The following ASPH variants were observed in gnomAD, a reference collection of about 807,000 sequenced individuals.
ASPH encodes aspartyl/asparaginyl beta-hydroxylase.
ASPH carries 100 observed loss-of-function variants against 118.4 expected under a neutral mutation model. That is an observed-to-expected ratio of 0.84 (90% CI 0.72 to 1.00). The LOEUF (loss-of-function observed/expected upper bound fraction) is 1.00, where lower values mean the gene tolerates loss of function less well. Ranked by LOEUF, ASPH falls within the 50% of genes least tolerant of loss-of-function variation. ASPH has a pLI of 0.00. For missense variants in ASPH, 920 were observed against 919.5 expected, an observed-to-expected ratio of 1.00 and a Z score of -0.01; for synonymous variants, 315 against 325.6, an observed-to-expected ratio of 0.97 and a Z score of 0.35.
chr8:61,674,184 C>T (rs75083828), intron 3 of ASPH, among the ~76,000 whole-genome samples: 8 of 152,210 alleles, frequency 5.3e-5, no homozygotes, highest in East Asian at 1.9e-4. Flanking sequence ...AAGTATATCC[C>T]GGAAATTAGG....
chr8:61,616,368 C>A (rs1013704964), intron 14 of ASPH, among the ~76,000 whole-genome samples: 1 of 152,164 alleles, frequency 6.6e-6, no homozygotes, highest in Non-Finnish European at 1.5e-5. Flanking sequence ...ATTGCAACTG[C>A]CCTGTGAGCA....
At chr8:61,529,721 T>C (rs915216329) in intron 21 of ASPH, among the ~76,000 whole-genome samples, 12 of 152,200 alleles carry the variant, frequency 7.9e-5, no homozygotes, top group African/African-American at 2.9e-4. Context: ...AGATATTTAT[T>C]TCCCACAGTT....
chr8:61,507,986 C>T (rs540170124), intron 24 of ASPH, among the ~76,000 whole-genome samples: 3 of 152,140 alleles, frequency 2.0e-5, no homozygotes, highest in Non-Finnish European at 4.4e-5. Context: ...TTCCTCCTTC[C>T]CTTCCTCTCT....
Position 61,668,532 on chromosome 8 carries a change from T to C in ASPH, c.322+12436A>G, listed in dbSNP as rs181592686. On this transcript the variant is annotated intron_variant, in intron 3 of 24. Transcript: ENST00000379454. ...ACAATTTGGCTTAGATCTTTAAGAA[T>C]TGTTGGCATTAGAAATACTTAATTG... 2.6e-4 allele frequency among the ~76,000 whole-genome samples: 40 copies of C among 152,308 alleles called. No individual in the cohort carries two copies. In the East Asian group the frequency reaches 6.0e-3, roughly 23 times the overall value.
chr8:61,647,926 G>C (rs1808872397), intron 5 of ASPH, among the ~76,000 whole-genome samples: 1 of 152,174 alleles, frequency 6.6e-6, no homozygotes, highest in African/African-American at 2.4e-5. Flanking sequence ...GCATCCCAAT[G>C]TAACTTGACC....
At chr8:61,676,958 T>C (rs1202818839) in intron 3 of ASPH, among the ~76,000 whole-genome samples, 1 of 152,170 alleles carries the variant, frequency 6.6e-6, no homozygotes, top group Non-Finnish European at 1.5e-5. Context: ...TTTTAACACT[T>C]AAATTTTAAC....
chr8:61,706,865 G>A (rs1836829488), intron 1 of ASPH, among the ~76,000 whole-genome samples: 1 of 152,080 alleles, frequency 6.6e-6, no homozygotes, highest in Non-Finnish European at 1.5e-5. Context: ...TGCAGACTAC[G>A]GTAAAAAGAT....
chr8:61,626,289 A>G (rs1219413894), intron 13 of ASPH: 1 of 1,563,546 alleles, frequency 6.4e-7, no homozygotes, highest in Admixed American at 2.0e-5. Context: ...ATCTGCAAAA[A>G]TAAGGGGAAA....
At position 61,576,818 on chromosome 8, in the gene ASPH, A is replaced by G; in HGVS notation, c.1103T>C (p.Val368Ala). ...TCGTGGACTCTGAGGGTATTTGCGTACTAGTTCTTTAAATGCATTCACTGC... is the reference window on the plus strand; with the variant it reads ...TCGTGGACTCTGAGGGTATTTGCGTGCTAGTTCTTTAAATGCATTCACTGC... The part of the protein sequence containing the change: ...EEAVNAFKEL[V>A]RKYPQSPRAR... The change falls in exon 16 of 25, where the codon GTA becomes GCA. Residue 368 changes from valine (V) to alanine (A), a missense_variant. Coordinates refer to ENST00000379454, the MANE Select transcript of ASPH (RefSeq NM_004318.4). 1.2e-6 allele frequency: 2 copies of G among 1,609,528 alleles called. No individual in the cohort carries two copies. Among genetic ancestry groups the G allele is most frequent in the Non-Finnish European group, 1.7e-6 (2 of 1,177,320 alleles).
At chr8:61,561,985 T>C (rs975511401) in intron 18 of ASPH, among the ~76,000 whole-genome samples, 1 of 152,152 alleles carries the variant, frequency 6.6e-6, no homozygotes, top group African/African-American at 2.4e-5. Flanking sequence ...CACTGAGTGG[T>C]AGCATATTGA....
chr8:61,539,245 T>A (rs1820783470), intron 21 of ASPH, among the ~76,000 whole-genome samples: 1 of 151,988 alleles, frequency 6.6e-6, no homozygotes, highest in Non-Finnish European at 1.5e-5. Context: ...CATCTCAAAA[T>A]ATATATATAT....
rs542562240 is a variant in ASPH at position 61,691,168 on chromosome 8, A to G, written c.104-6980T>C. On this transcript the variant is annotated intron_variant, in intron 1 of 24. Coordinates refer to ENST00000379454, the MANE Select transcript of ASPH (RefSeq NM_004318.4). Reference sequence around the variant, plus strand: ...ATCAAAAGCAAACAATATACTCTTGATATGTCACTTTGTAAATATGGTGTG... The same window carrying G: ...ATCAAAAGCAAACAATATACTCTTGGTATGTCACTTTGTAAATATGGTGTG... 4.6e-5 allele frequency among the ~76,000 whole-genome samples: 7 copies of G among 152,284 alleles called. No individual in the cohort carries two copies. In the South Asian group the frequency reaches 1.5e-3, roughly 32 times the overall value.
At position 61,650,040 on chromosome 8, in the gene ASPH, C is replaced by T. The variant is rs1392276085; in HGVS notation, c.490+1010G>A. ...AGGTCTACACCAGCCTCTTCTGACC[C>T]CCCTTCTGAGTAAGACCTGAAGAGC... On this transcript the variant is annotated intron_variant, in intron 5 of 24. Coordinates refer to ENST00000379454, the MANE Select transcript of ASPH (RefSeq NM_004318.4). 3.3e-5 allele frequency among the ~76,000 whole-genome samples: 5 copies of T among 152,252 alleles called. No individual in the cohort carries two copies. In the South Asian group the frequency reaches 1.0e-3, roughly 32 times the overall value.
At chr8:61,584,098 T>C (rs879910956) in intron 14 of ASPH, 69 bp from the exon 15 acceptor site, 30 of 1,017,746 alleles carry the variant, frequency 2.9e-5, no homozygotes, top group Non-Finnish European at 4.1e-5. Context: ...CATAACAATT[T>C]ACAAGTAGTG....
At chr8:61,566,335 G>A (rs1233119693) in intron 17 of ASPH, among the ~76,000 whole-genome samples, 4 of 152,224 alleles carry the variant, frequency 2.6e-5, no homozygotes, top group Non-Finnish European at 5.9e-5. Flanking sequence ...TCCTAAAGAT[G>A]TGACTGATTT....
chr8:61,669,173 T>C (rs1475303595), intron 3 of ASPH, among the ~76,000 whole-genome samples: 5 of 152,198 alleles, frequency 3.3e-5, no homozygotes, highest in African/African-American at 1.2e-4. Flanking sequence ...CCATCTGACA[T>C]TTTTGCAGCT....
intron 4 of ASPH, among the ~76,000 whole-genome samples, chr8:61,652,515 G>C (rs1384410083): frequency 1.3e-5 from 2 of 151,454 alleles, no homozygotes; most frequent in South Asian, 2.1e-4. Flanking sequence ...GCAGAAGCTG[G>C]AGTGTAATGG....
At chr8:61,517,807 G>T in intron 23 of ASPH, 146 bp from the exon 24 acceptor site, 1 of 1,259,370 alleles carries the variant, frequency 7.9e-7, no homozygotes. Context: ...ATTTCTTTGT[G>T]AAGGAACTAA....
intron 1 of ASPH, among the ~76,000 whole-genome samples, chr8:61,704,548 TA>T (rs1197053223): frequency 6.6e-6 from 1 of 151,342 alleles, no homozygotes; most frequent in African/African-American, 2.4e-5. Context: ...AATAAAAAAA[TA>T]AAAAGGTAAG....
Sources: allele counts gnomAD v4.1 joint callset (sites outside exome capture counted in the v4.1 genomes callset), GRCh38; gene constraint gnomAD v4.1.1; transcripts MANE v1.5; gene names NCBI Gene and HGNC (gene_info 2026-07-23, HGNC 2026-07-21).